FTO: variants seen among roughly 807,000 people sequenced by gnomAD.
FTO encodes FTO alpha-ketoglutarate dependent dioxygenase.
FTO carries 47 observed loss-of-function variants against 63.9 expected under a neutral mutation model. The observed-to-expected ratio is 0.74, with a 90% CI of 0.58 to 0.94. FTO has a LOEUF of 0.94. FTO is among the 40% of genes least tolerant of loss of function. The probability of loss-of-function intolerance (pLI) is 0.00; values close to 1 mark genes in which losing one functional copy is unlikely to be tolerated. For missense variants in FTO, 562 were observed against 618.1 expected (o/e 0.91, Z 0.96); for synonymous variants, 207 against 224.4 (o/e 0.92, Z 0.69).
chr16:53,849,729 T>C (rs1223038958), intron 4 of FTO, among the ~76,000 whole-genome samples: 2 of 152,220 alleles, frequency 1.3e-5, no homozygotes, highest in African/African-American at 4.8e-5. Context: ...TAAATTGCCA[T>C]GCTTCTGTTT....
intron 8 of FTO, among the ~76,000 whole-genome samples, chr16:53,951,652 C>T (rs890839156): frequency 3.3e-5 from 5 of 152,106 alleles, no homozygotes; most frequent in African/African-American, 1.2e-4. Flanking sequence ...ATCATGCACT[C>T]TATTATTATT....
At chr16:53,893,661 CT>C (rs1425935633) in intron 7 of FTO, among the ~76,000 whole-genome samples, 1 of 150,250 alleles carries the variant, frequency 6.7e-6, no homozygotes, top group Non-Finnish European at 1.5e-5. Flanking sequence ...TCCTATTGAC[CT>C]TAAAAAAAAA....
chr16:54,068,200 G>A (rs1337255480), intron 8 of FTO, among the ~76,000 whole-genome samples: 3 of 152,120 alleles, frequency 2.0e-5, no homozygotes, highest in African/African-American at 4.8e-5. Context: ...CTCAGCTCTT[G>A]AAATGTCCTT....
intron 8 of FTO, among the ~76,000 whole-genome samples, chr16:54,025,375 G>A (rs2084690114): frequency 6.6e-6 from 1 of 152,198 alleles, no homozygotes; most frequent in South Asian, 2.1e-4. Context: ...ACACCTTGAA[G>A]TATTTGGGTC....
chr16:53,816,288 T>C (rs1390758434), intron 2 of FTO, among the ~76,000 whole-genome samples: 1 of 152,170 alleles, frequency 6.6e-6, no homozygotes, highest in Non-Finnish European at 1.5e-5. Context: ...TGCAACAGCC[T>C]CCTGACTGGT....
At chr16:53,967,087 C>T (rs1047050939) in intron 8 of FTO, among the ~76,000 whole-genome samples, 7 of 152,092 alleles carry the variant, frequency 4.6e-5, no homozygotes, top group Non-Finnish European at 7.4e-5. Flanking sequence ...GTTAAAATTC[C>T]GCTGCGCAGT....
At chr16:54,056,469 T>C (rs2085434995) in intron 8 of FTO, among the ~76,000 whole-genome samples, 1 of 152,222 alleles carries the variant, frequency 6.6e-6, no homozygotes, top group Non-Finnish European at 1.5e-5. Flanking sequence ...CCTTGTGTAA[T>C]GCCCTCCCTG....
chr16:53,770,349 C>A (rs2077306462), intron 1 of FTO, among the ~76,000 whole-genome samples: 1 of 152,102 alleles, frequency 6.6e-6, no homozygotes, highest in Admixed American at 6.6e-5. Context: ...CCAGTGATTG[C>A]TGAGAAATTA....
At chr16:53,749,138 C>A (rs942303159) in intron 1 of FTO, among the ~76,000 whole-genome samples, 15 of 152,172 alleles carry the variant, frequency 9.9e-5, no homozygotes, top group Admixed American at 2.0e-4. Flanking sequence ...TATAGAAAGA[C>A]TACTGATTTT....
At chr16:53,929,445 A>T (rs1316131337) in intron 7 of FTO, among the ~76,000 whole-genome samples, 2 of 152,194 alleles carry the variant, frequency 1.3e-5, no homozygotes. Flanking sequence ...TTTACCCTTT[A>T]AGGAACATTT....
At chr16:54,101,843 A>C (rs1384268380) in intron 8 of FTO, among the ~76,000 whole-genome samples, 3 of 152,126 alleles carry the variant, frequency 2.0e-5, no homozygotes, top group African/African-American at 7.2e-5. Context: ...TTTTACTTTT[A>C]ATAATAGCCA....
intron 8 of FTO, among the ~76,000 whole-genome samples, chr16:54,019,599 C>T (rs1181473238): frequency 6.6e-6 from 1 of 150,870 alleles, no homozygotes; most frequent in East Asian, 1.9e-4. Context: ...AGTGTTGGGC[C>T]CTTCAGGTAG....
chr16:53,759,281 A>T (rs1259550810), intron 1 of FTO, among the ~76,000 whole-genome samples: 1 of 152,230 alleles, frequency 6.6e-6, no homozygotes, highest in Admixed American at 6.5e-5. Flanking sequence ...CCCAAAACAA[A>T]GCAATGGAAA....
intron 8 of FTO, among the ~76,000 whole-genome samples, chr16:54,073,424 GTCT>G (rs1261339645): frequency 6.6e-6 from 1 of 152,010 alleles, no homozygotes; most frequent in Non-Finnish European, 1.5e-5. Flanking sequence ...GTTTATAATG[GTCT>G]TCATCTTCAG....
chr16:54,025,937 C>T (rs1257821277), intron 8 of FTO, among the ~76,000 whole-genome samples: 4 of 152,032 alleles, frequency 2.6e-5, no homozygotes, highest in Non-Finnish European at 5.9e-5. Context: ...TGCTTGAACC[C>T]GGGAGATGGT....
At chr16:54,072,242 G>A (rs2085888503) in intron 8 of FTO, 1 of 152,128 alleles carries the variant, frequency 6.6e-6, no homozygotes, top group Admixed American at 6.5e-5. Context: ...CTTTAATTAA[G>A]ACCTCCTAAA....
intron 1 of FTO, among the ~76,000 whole-genome samples, chr16:53,798,035 T>G (rs1598689119): frequency 6.6e-6 from 1 of 152,160 alleles, no homozygotes; most frequent in African/African-American, 2.4e-5. Flanking sequence ...CTTTAAAAGA[T>G]ATAGATATCT....
At chr16:53,843,818 A>AT (rs1555483806) in intron 3 of FTO, among the ~76,000 whole-genome samples, 18 of 68,386 alleles carry the variant, frequency 2.6e-4, no homozygotes, top group South Asian at 6.1e-4. Flanking sequence ...TTAAAAAGTA[A>AT]TTTTTTTTTT....
At chr16:54,090,507 C>T (rs1231007503) in intron 8 of FTO, among the ~76,000 whole-genome samples, 8 of 151,880 alleles carry the variant, frequency 5.3e-5, no homozygotes, top group South Asian at 2.1e-4. Flanking sequence ...TCCACTGAAC[C>T]GTATACTTAA....
Sources: allele counts gnomAD v4.1 joint callset (sites outside exome capture counted in the v4.1 genomes callset), GRCh38; gene constraint gnomAD v4.1.1; transcripts MANE v1.5; gene names NCBI Gene and HGNC (gene_info 2026-07-23, HGNC 2026-07-21).